The following ATF6 variants were observed in gnomAD, a reference collection of about 807,000 sequenced individuals.
The protein encoded by ATF6 is cyclic AMP-dependent transcription factor ATF-6 alpha.
In ATF6, 53 loss-of-function variants were observed where a neutral mutation model predicts 83.6. That is an observed-to-expected ratio of 0.63 (90% CI 0.51 to 0.80). The LOEUF (loss-of-function observed/expected upper bound fraction) is 0.80. ATF6 is among the 30% of genes least tolerant of loss of function. ATF6 has a pLI of 0.00. For synonymous variants in ATF6, 288 were observed against 285.8 expected (o/e 1.01, Z -0.08); for missense variants, 744 against 797.9 (o/e 0.93, Z 0.81).
chr1:161,934,533 T>C (rs1286231197), intron 15 of ATF6, among the ~76,000 whole-genome samples: 3 of 152,186 alleles, frequency 2.0e-5, no homozygotes, highest in African/African-American at 4.8e-5. Flanking sequence ...ACTCCCTCTA[T>C]GTAAAGTCTC....
intron 15 of ATF6, among the ~76,000 whole-genome samples, chr1:161,941,755 T>C (rs965634132): frequency 1.3e-5 from 2 of 152,086 alleles, no homozygotes; most frequent in African/African-American, 4.8e-5. Context: ...GTCTTAAAAA[T>C]GAAAAAGGGA....
intron 14 of ATF6, among the ~76,000 whole-genome samples, chr1:161,911,067 A>T (rs982078052): frequency 6.6e-6 from 1 of 152,218 alleles, no homozygotes; most frequent in Non-Finnish European, 1.5e-5. Flanking sequence ...CTTCATAATC[A>T]TATCAACTTT....
intron 1 of ATF6, among the ~76,000 whole-genome samples, chr1:161,770,869 G>A (rs1022741481): frequency 2.0e-5 from 3 of 152,184 alleles, no homozygotes; most frequent in African/African-American, 7.2e-5. Context: ...GGATTGTGTG[G>A]TAAGAACATG....
chr1:161,821,030 A>G, intron 8 of ATF6, 40 bp from the exon 9 acceptor site: 1 of 1,412,280 alleles, frequency 7.1e-7, no homozygotes, highest in Admixed American at 2.0e-5. Flanking sequence ...TCTGAAATCG[A>G]TGTTAGTTTA....
chr1:161,880,892 T>C (rs12028619), intron 14 of ATF6, among the ~76,000 whole-genome samples: 22,032 of 152,144 alleles, frequency 0.14, 2,178 homozygotes, highest in East Asian at 0.32. Context: ...AGTGCCTCCA[T>C]ATCCTTGGCA....
intron 1 of ATF6, 70 bp downstream of exon 1, chr1:161,766,512 C>T: frequency 1.3e-6 from 2 of 1,488,746 alleles, no homozygotes; most frequent in African/African-American, 1.4e-5. Context: ...TCCCTACTTC[C>T]GCCCACTCGT....
In ATF6 at chr1:161,903,516, A is replaced by G. The variant is rs534470976; in HGVS notation, c.1720-8780A>G. 1.8e-4 allele frequency among the ~76,000 whole-genome samples: 28 copies of G among 152,298 alleles called. No homozygotes were observed. In the East Asian group the frequency reaches 5.2e-3, roughly 28 times the overall value. On this transcript the variant is annotated intron_variant, in intron 14 of 15. Coordinates refer to ENST00000367942, the MANE Select transcript of ATF6 (RefSeq NM_007348.4). ...TATGTGGTTGAGGGAATAAACTTAA[A>G]CAACAAATCTAAATTTCCTATATCA...
chr1:161,789,960 G>A (rs1684839687), intron 4 of ATF6, among the ~76,000 whole-genome samples: 1 of 152,134 alleles, frequency 6.6e-6, no homozygotes, highest in African/African-American at 2.4e-5. Context: ...TCTCACCAGT[G>A]AGACTGAGAG....
chr1:161,938,861 G>A (rs956021436), intron 15 of ATF6, among the ~76,000 whole-genome samples: 2 of 152,102 alleles, frequency 1.3e-5, no homozygotes, highest in Admixed American at 6.5e-5. Context: ...TTTCATTGCA[G>A]TGGGTTTGAT....
intron 1 of ATF6, 62 bp downstream of exon 1, chr1:161,766,504 C>G: frequency 6.6e-7 from 1 of 1,519,224 alleles, no homozygotes; most frequent in Non-Finnish European, 9.1e-7. Context: ...TTTCTTCCTC[C>G]CTACTTCCGC....
intron 14 of ATF6, among the ~76,000 whole-genome samples, chr1:161,904,877 G>A (rs1473121932): frequency 6.6e-6 from 1 of 152,192 alleles, no homozygotes; most frequent in Non-Finnish European, 1.5e-5. Context: ...CCAAGATCCT[G>A]AGAGAAAATT....
intron 14 of ATF6, 26 bp downstream of exon 14, chr1:161,863,338 C>T (rs1479602067): frequency 6.7e-7 from 1 of 1,488,338 alleles, no homozygotes; most frequent in African/African-American, 1.4e-5. Context: ...AAGAATAGAG[C>T]AAATATTTTT....
intron 12 of ATF6, among the ~76,000 whole-genome samples, chr1:161,856,285 C>G (rs1164094595): frequency 6.6e-6 from 1 of 152,206 alleles, no homozygotes; most frequent in East Asian, 1.9e-4. Flanking sequence ...GCCTCTCCAA[C>G]TTTTTTCACC....
chr1:161,942,366 C>G (rs919816539), intron 15 of ATF6, among the ~76,000 whole-genome samples: 5 of 152,212 alleles, frequency 3.3e-5, no homozygotes, highest in African/African-American at 7.2e-5. Flanking sequence ...TCCTAGGGCT[C>G]TTTTCCTGTG....
chr1:161,919,641 T>C (rs1393371235), intron 15 of ATF6, among the ~76,000 whole-genome samples: 1 of 152,216 alleles, frequency 6.6e-6, no homozygotes, highest in Non-Finnish European at 1.5e-5. Context: ...CATTGATTTG[T>C]TTTTACTGTT....
At chr1:161,919,899 G>A (rs139979051) in intron 15 of ATF6, among the ~76,000 whole-genome samples, 135 of 152,284 alleles carry the variant, frequency 8.9e-4, no homozygotes, top group African/African-American at 3.0e-3. Flanking sequence ...TGGAGAGGTC[G>A]TAACAGAAGG....
intron 14 of ATF6, among the ~76,000 whole-genome samples, chr1:161,893,212 G>A (rs1687595312): frequency 6.6e-6 from 1 of 151,006 alleles, no homozygotes; most frequent in South Asian, 2.1e-4. Flanking sequence ...TGTTGACCAG[G>A]CTGGAGTGCA....
At chr1:161,836,048 T>A (rs968671070) in intron 9 of ATF6, among the ~76,000 whole-genome samples, 1 of 152,202 alleles carries the variant, frequency 6.6e-6, no homozygotes, top group African/African-American at 2.4e-5. Context: ...ATGCTACTAG[T>A]GGGCCAGTTA....
intron 7 of ATF6, among the ~76,000 whole-genome samples, chr1:161,802,889 G>A (rs907365783): frequency 6.6e-6 from 1 of 152,162 alleles, no homozygotes; most frequent in Non-Finnish European, 1.5e-5. Context: ...TCTAAAGCCA[G>A]TTACTGCACT....
Sources: gnomAD v4.1 joint callset for allele counts (sites outside exome capture counted in the v4.1 genomes callset) on GRCh38, gnomAD v4.1.1 for gene constraint, MANE v1.5 for transcripts, NCBI Gene and HGNC (gene_info 2026-07-23, HGNC 2026-07-21) for gene names.